The following GRM8 variants were observed in gnomAD, a reference collection of about 807,000 sequenced individuals.
GRM8 encodes glutamate metabotropic receptor 8, also known as metabotropic glutamate receptor 8.
GRM8 carries 47 observed loss-of-function variants against 87.2 expected under a neutral mutation model. The ratio of observed to expected loss-of-function variants is 0.54; its 90% CI spans 0.43 to 0.69. The LOEUF (loss-of-function observed/expected upper bound fraction) is 0.69, where lower values mean the gene tolerates loss of function less well. GRM8 is among the 30% of genes least tolerant of loss of function. The pLI is 0.00. For synonymous variants in GRM8, 396 were observed against 404.5 expected, an observed-to-expected ratio of 0.98 and a Z score of 0.25; for missense variants, 1,019 against 1,139.2, an observed-to-expected ratio of 0.89 and a Z score of 1.52.
chr7:127,229,169 G>C (rs1166693484), intron 2 of GRM8: 3 of 152,082 alleles, frequency 2.0e-5, no homozygotes, highest in Admixed American at 2.0e-4. Flanking sequence ...ATATTTAAGG[G>C]TAAATATAAG....
chr7:126,856,589 A>G lies in GRM8; in HGVS notation c.1156+45953T>C, dbSNP rs1050553365. Among the ~76,000 whole-genome samples the G allele has an allele frequency of 1.3e-5, 2 of 152,234 alleles. 1 individual carries two copies. Among genetic ancestry groups the G allele is most frequent in the South Asian group, 4.1e-4 (2 of 4,834 alleles). On this transcript the variant is annotated intron_variant, in intron 6 of 10. Transcript: ENST00000339582. The stretch of plus-strand genomic sequence containing the variant: ...TTAGAAGTCAATCAGACTACTGAAT[A>G]AATTCATAATATCTAGTCCCATGAT...
At chr7:126,668,646 C>G (rs1351432814) in intron 7 of GRM8, among the ~76,000 whole-genome samples, 2 of 152,218 alleles carry the variant, frequency 1.3e-5, no homozygotes, top group African/African-American at 2.4e-5. Flanking sequence ...TCAGCTCCAT[C>G]AGACAGTAAA....
At chr7:126,897,943 G>A (rs1248407527) in intron 6 of GRM8, among the ~76,000 whole-genome samples, 1 of 152,122 alleles carries the variant, frequency 6.6e-6, no homozygotes, top group Non-Finnish European at 1.5e-5. Flanking sequence ...TTCTATCTCT[G>A]GAAAACTGGT....
At chr7:126,959,987 T>G (rs1433104436) in intron 3 of GRM8, among the ~76,000 whole-genome samples, 1 of 152,214 alleles carries the variant, frequency 6.6e-6, no homozygotes, top group Non-Finnish European at 1.5e-5. Flanking sequence ...CCTATCAAAC[T>G]GTAAGCATTA....
intron 7 of GRM8, among the ~76,000 whole-genome samples, chr7:126,711,128 T>A (rs1811056916): frequency 6.6e-6 from 1 of 152,176 alleles, no homozygotes; most frequent in Non-Finnish European, 1.5e-5. Flanking sequence ...TGAGCCCAGA[T>A]TGTGCCACTG....
At chr7:127,226,804 A>C (rs1020837884) in intron 2 of GRM8, among the ~76,000 whole-genome samples, 9 of 152,246 alleles carry the variant, frequency 5.9e-5, no homozygotes, top group Non-Finnish European at 1.3e-4. Flanking sequence ...TGCTTTTTGC[A>C]GTAAAAAATA....
chr7:126,741,203 C>A (rs1219910559), intron 7 of GRM8, among the ~76,000 whole-genome samples: 2 of 151,954 alleles, frequency 1.3e-5, no homozygotes, highest in Non-Finnish European at 2.9e-5. Flanking sequence ...TCGGGATCCA[C>A]TGAATCAGAA....
At chr7:126,983,271 AT>A (rs1811723493) in intron 3 of GRM8, among the ~76,000 whole-genome samples, 1 of 151,862 alleles carries the variant, frequency 6.6e-6, no homozygotes, top group African/African-American at 2.4e-5. Context: ...GAGTGGTGCC[AT>A]CAAAAGGCCA....
chr7:126,689,796 AT>A (rs1808606995), intron 7 of GRM8, among the ~76,000 whole-genome samples: 1 of 152,232 alleles, frequency 6.6e-6, no homozygotes, highest in Non-Finnish European at 1.5e-5. Context: ...TATATAACAA[AT>A]ATATAAGCAG....
At position 126,527,076 on chromosome 7, in the gene GRM8, T is replaced by C. The variant is rs1001991935; in HGVS notation, c.2430+5876A>G. Among the ~76,000 whole-genome samples the C allele has an allele frequency of 2.0e-5, 3 of 152,268 alleles. No individual in the cohort carries two copies. The East Asian group carries it at 5.8e-4, about 29-fold the overall frequency. Reference sequence around the variant, plus strand: ...ACAAGGAAAGAAAATGTTATATAGTTGGCTGGGCGCGGTGGCTCACGCCTG... The same window carrying C: ...ACAAGGAAAGAAAATGTTATATAGTCGGCTGGGCGCGGTGGCTCACGCCTG... On this transcript the variant is annotated intron_variant, in intron 9 of 10. Transcript: ENST00000339582.
At chr7:126,869,898 G>A (rs1248085318) in intron 6 of GRM8, 1 of 128,318 alleles carries the variant, frequency 7.8e-6, no homozygotes, top group Non-Finnish European at 1.6e-5. Context: ...GTCCTTTGAA[G>A]CTCTGAAGCC....
chr7:126,447,406 T>C (rs1447627651), intron 9 of GRM8, among the ~76,000 whole-genome samples: 1 of 151,846 alleles, frequency 6.6e-6, no homozygotes, highest in African/African-American at 2.4e-5. Flanking sequence ...GTAAAGAGAT[T>C]CTCCCTTTGT....
At chr7:126,582,084 A>G (rs1795667302) in intron 8 of GRM8, among the ~76,000 whole-genome samples, 1 of 152,232 alleles carries the variant, frequency 6.6e-6, no homozygotes, top group Admixed American at 6.5e-5. Flanking sequence ...TTAGTGAGGA[A>G]GGTATATCAA....
intron 6 of GRM8, among the ~76,000 whole-genome samples, chr7:126,872,470 G>T (rs891378959): frequency 6.6e-6 from 1 of 151,970 alleles, no homozygotes; most frequent in African/African-American, 2.4e-5. Context: ...CGTTGTTTAG[G>T]GTACCCTAAA....
At chr7:127,054,885 C>G (rs1819832375) in intron 3 of GRM8, among the ~76,000 whole-genome samples, 1 of 147,848 alleles carries the variant, frequency 6.8e-6, no homozygotes, top group East Asian at 1.9e-4. Context: ...TAATAATTCT[C>G]AAGTGCAGAA....
chr7:126,727,123 A>G (rs1813079172), intron 7 of GRM8, among the ~76,000 whole-genome samples: 1 of 151,820 alleles, frequency 6.6e-6, no homozygotes, highest in South Asian at 2.1e-4. Flanking sequence ...AATATATTTA[A>G]ACCAAATATT....
At chr7:126,882,637 AATAG>A (rs1159057328) in intron 6 of GRM8, among the ~76,000 whole-genome samples, 2 of 152,322 alleles carry the variant, frequency 1.3e-5, no homozygotes, top group East Asian at 1.9e-4. Flanking sequence ...CTATGAGAAA[AATAG>A]ATAGATACAC....
chr7:126,463,267 C>A (rs1804094053), intron 9 of GRM8, among the ~76,000 whole-genome samples: 1 of 151,482 alleles, frequency 6.6e-6, no homozygotes, highest in Admixed American at 6.6e-5. Flanking sequence ...CCTCAGACTA[C>A]TATGTGAGTG....
At chr7:126,633,829 T>C (rs368810014) in intron 7 of GRM8, among the ~76,000 whole-genome samples, 1 of 148,162 alleles carries the variant, frequency 6.7e-6, no homozygotes, top group East Asian at 2.0e-4. Context: ...TTGGTACATA[T>C]AGAATGTAAA....
Sources: allele counts gnomAD v4.1 joint callset (sites outside exome capture counted in the v4.1 genomes callset), GRCh38; gene constraint gnomAD v4.1.1; transcripts MANE v1.5; gene names NCBI Gene and HGNC (gene_info 2026-07-23, HGNC 2026-07-21).